Variants in HS3ST4 observed in about 807,000 individuals in gnomAD.
HS3ST4 encodes heparan sulfate glucosamine 3-O-sulfotransferase 4.
A neutral mutation model predicts 29.2 loss-of-function variants in HS3ST4; 17 were observed. The observed-to-expected ratio is 0.58, with a 90% confidence interval of 0.40 to 0.87. The LOEUF is 0.87. HS3ST4 is among the 40% of genes least tolerant of loss of function. HS3ST4 has a pLI of 0.00. For synonymous variants in HS3ST4, 314 were observed against 285.7 expected (o/e 1.10, Z -1.00); for missense variants, 627 against 634.5 (o/e 0.99, Z 0.13).
intron 1 of HS3ST4, among the ~76,000 whole-genome samples, chr16:25,992,286 G>T (rs1335724012): frequency 1.3e-5 from 2 of 152,196 alleles, no homozygotes; most frequent in Non-Finnish European, 2.9e-5. Context: ...AGATGAAACC[G>T]ATTTAGACCT....
intron 1 of HS3ST4, among the ~76,000 whole-genome samples, chr16:26,055,730 T>A (rs1460501198): frequency 6.6e-6 from 1 of 152,204 alleles, no homozygotes; most frequent in Non-Finnish European, 1.5e-5. Context: ...TGGGTGCATA[T>A]GGAAGCTCTA....
intron 1 of HS3ST4, among the ~76,000 whole-genome samples, chr16:25,839,457 C>T (rs1374728633): frequency 2.6e-5 from 4 of 152,136 alleles, no homozygotes; most frequent in African/African-American, 9.7e-5. Flanking sequence ...ACCTTTAAGA[C>T]AGTTAGTAGT....
intron 1 of HS3ST4, among the ~76,000 whole-genome samples, chr16:25,741,340 T>C (rs1395507421): frequency 8.4e-6 from 1 of 119,754 alleles, no homozygotes; most frequent in Non-Finnish European, 1.6e-5. Flanking sequence ...ACTGCATTTC[T>C]TAAAGGATGA....
chr16:25,712,947 G>A (rs7192999), intron 1 of HS3ST4, among the ~76,000 whole-genome samples: 150,581 of 152,306 alleles, frequency 0.99, 74,459 homozygotes, highest in Middle Eastern at 1. Flanking sequence ...TATTCTCCCT[G>A]TGTCTTCACA....
intron 1 of HS3ST4, among the ~76,000 whole-genome samples, chr16:25,972,701 A>G (rs909696320): frequency 3.3e-5 from 5 of 152,196 alleles, no homozygotes; most frequent in Admixed American, 1.3e-4. Context: ...TGCATATTCT[A>G]TTTATTAGAA....
chr16:25,748,979 AG>A (rs1189351803), intron 1 of HS3ST4, among the ~76,000 whole-genome samples: 4 of 152,198 alleles, frequency 2.6e-5, no homozygotes, highest in Admixed American at 6.5e-5. Flanking sequence ...GGGATTATGA[AG>A]ACTGGACAAA....
At chr16:26,051,924 T>C (rs1184523786) in intron 1 of HS3ST4, among the ~76,000 whole-genome samples, 8 of 128,998 alleles carry the variant, frequency 6.2e-5, no homozygotes, top group African/African-American at 2.3e-4. Context: ...CTTCCTTCCT[T>C]CCTTCCTTCC....
chr16:25,743,544 C>T (rs781458381), intron 1 of HS3ST4, among the ~76,000 whole-genome samples: 1 of 152,120 alleles, frequency 6.6e-6, no homozygotes, highest in Non-Finnish European at 1.5e-5. Context: ...CTCACTCTGT[C>T]ACCCAGGCTG....
chr16:25,707,061 G>A (rs1282990308), intron 1 of HS3ST4, among the ~76,000 whole-genome samples: 1 of 152,170 alleles, frequency 6.6e-6, no homozygotes, highest in Non-Finnish European at 1.5e-5. Flanking sequence ...CCACCCTGTA[G>A]ACTCTACCCA....
chr16:25,897,419 TC>T (rs1328170768), intron 1 of HS3ST4, among the ~76,000 whole-genome samples: 1 of 152,036 alleles, frequency 6.6e-6, no homozygotes, highest in Non-Finnish European at 1.5e-5. Context: ...GCTGCTGCAC[TC>T]CAGCCTGGGC....
chr16:26,093,947 G>T (rs568634570), intron 1 of HS3ST4, among the ~76,000 whole-genome samples: 1 of 152,140 alleles, frequency 6.6e-6, no homozygotes, highest in Admixed American at 6.5e-5. Context: ...AAACCATGGC[G>T]CAAGAACTTC....
In HS3ST4 at chr16:26,062,553, T is replaced by C. The variant is rs148171150; in HGVS notation, c.735-73059T>C. On this transcript the variant is annotated intron_variant, in intron 1 of 1. Coordinates refer to ENST00000331351, the MANE Select transcript of HS3ST4 (RefSeq NM_006040.3). ...TTGGCCCGATGCCTGCATCCTTGCCTACCTTCCTCTATTTCGGAATCATCT... is the reference window on the plus strand; with the variant it reads ...TTGGCCCGATGCCTGCATCCTTGCCCACCTTCCTCTATTTCGGAATCATCT... 3.8e-3 allele frequency among the ~76,000 whole-genome samples: 582 copies of C among 152,212 alleles called. 4 individuals are homozygous for C. Among genetic ancestry groups the C allele is most frequent in the African/African-American group, 0.013 (559 of 41,560 alleles).
intron 1 of HS3ST4, among the ~76,000 whole-genome samples, chr16:25,889,492 G>C (rs1967986474): frequency 6.6e-6 from 1 of 152,114 alleles, no homozygotes; most frequent in African/African-American, 2.4e-5. Context: ...AGCAATCAGT[G>C]GTTGAAATCA....
At chr16:26,095,936 T>G (rs1196084273) in intron 1 of HS3ST4, among the ~76,000 whole-genome samples, 1 of 151,712 alleles carries the variant, frequency 6.6e-6, no homozygotes, top group Non-Finnish European at 1.5e-5. Flanking sequence ...AAAGGGGATA[T>G]CACCACCAAT....
intron 1 of HS3ST4, among the ~76,000 whole-genome samples, chr16:25,992,364 A>G (rs779716757): frequency 5.3e-5 from 8 of 152,242 alleles, no homozygotes; most frequent in Non-Finnish European, 1.2e-4. Context: ...ATGTCCAGCA[A>G]TTAGCCAGGT....
chr16:25,876,655 C>T (rs927318790), intron 1 of HS3ST4, among the ~76,000 whole-genome samples: 1 of 152,056 alleles, frequency 6.6e-6, no homozygotes, highest in African/African-American at 2.4e-5. Flanking sequence ...AGGGTCATCC[C>T]ACTCAATCAA....
intron 1 of HS3ST4, among the ~76,000 whole-genome samples, chr16:26,035,714 T>C (rs560800307): frequency 3.9e-5 from 6 of 152,332 alleles, no homozygotes; most frequent in African/African-American, 1.4e-4. Context: ...CAGTTGGTCT[T>C]CTCACATGCA....
At chr16:25,986,984 C>T (rs1183591279) in intron 1 of HS3ST4, among the ~76,000 whole-genome samples, 1 of 152,222 alleles carries the variant, frequency 6.6e-6, no homozygotes, top group Non-Finnish European at 1.5e-5. Context: ...GTTAAAATGT[C>T]TGCCGGCTGG....
At chr16:25,781,594 A>G (rs186690177) in intron 1 of HS3ST4, among the ~76,000 whole-genome samples, 3 of 152,262 alleles carry the variant, frequency 2.0e-5, no homozygotes, top group Admixed American at 2.0e-4. Flanking sequence ...CTTATGTGAT[A>G]GGAGCTGCCG....
Sources: allele counts gnomAD v4.1 joint callset (sites outside exome capture counted in the v4.1 genomes callset), GRCh38; gene constraint gnomAD v4.1.1; transcripts MANE v1.5; gene names NCBI Gene and HGNC (gene_info 2026-07-23, HGNC 2026-07-21).